SVIL: variants seen among roughly 807,000 people sequenced by gnomAD.
The protein encoded by SVIL is supervillin.
In SVIL, 101 loss-of-function variants were observed where a neutral mutation model predicts 240.4. That is an observed-to-expected ratio of 0.42 (90% CI 0.36 to 0.50). The LOEUF is 0.50. Ranked by LOEUF, SVIL falls within the 20% of genes least tolerant of loss-of-function variation. SVIL has a pLI of 0.01. For missense variants in SVIL, 2,512 were observed against 2,818.7 expected, an observed-to-expected ratio of 0.89 and a Z score of 2.46; for synonymous variants, 999 against 1,100.0, an observed-to-expected ratio of 0.91 and a Z score of 1.82.
At chr10:29,576,604 G>T (rs886987281) in intron 1 of SVIL, among the ~76,000 whole-genome samples, 3 of 152,154 alleles carry the variant, frequency 2.0e-5, no homozygotes, top group Non-Finnish European at 4.4e-5. Flanking sequence ...AAGTGCAGTG[G>T]TGTGACCATA....
At chr10:29,563,132 C>T (rs1340380363) in intron 3 of SVIL, 69 bp downstream of exon 3, 5 of 468,372 alleles carry the variant, frequency 1.1e-5, no homozygotes, top group Non-Finnish European at 1.4e-5. Context: ...GAGAGTTCTG[C>T]TCAAGGAAAT....
rs538983902 is a variant in SVIL at position 29,680,329 on chromosome 10, T to C, written c.-301+6224A>G. Among the ~76,000 whole-genome samples, 101 of 152,310 alleles carry C rather than the reference T, an allele frequency of 6.6e-4. 1 individual carries two copies. The highest frequency in any genetic ancestry group is 1.9e-3 in the African/African-American group (78 of 41,578). ...CAGCTAGCTTCTTGGAGGAGGCACC[T>C]GAATGGCATCTTTAGTGATCAGTCA... On this transcript the variant is annotated intron_variant, in intron 2 of 35. Transcript: ENST00000375400.
intron 1 of SVIL, among the ~76,000 whole-genome samples, chr10:29,577,567 C>T (rs1411818948): frequency 2.0e-5 from 3 of 152,134 alleles, no homozygotes; most frequent in African/African-American, 4.8e-5. Context: ...ACCACATTTT[C>T]TTTATCCACT....
intron 27 of SVIL, chr10:29,483,507 G>T (rs1260620829): frequency 6.6e-6 from 1 of 152,208 alleles, no homozygotes; most frequent in Non-Finnish European, 1.5e-5. Context: ...TTTTTAAAAG[G>T]CCCCTCAGGT....
rs1048214693 is a variant in SVIL at position 29,515,077 on chromosome 10, TC to T, written c.3390-2217del. Reference sequence around the variant, plus strand: ...GTCCCCTTCCTCAATCTCTTCCTTCTCCCCCCTTCATTTCTGTTTTCCTCTT... The same window carrying T: ...GTCCCCTTCCTCAATCTCTTCCTTCTCCCCCTTCATTTCTGTTTTCCTCTT... On this transcript the variant is annotated intron_variant, in intron 16 of 37. Coordinates refer to ENST00000355867, the MANE Select transcript of SVIL (RefSeq NM_021738.3). Among the ~76,000 whole-genome samples, 5 of 152,206 alleles carry T rather than the reference TC, an allele frequency of 3.3e-5. No individual in the cohort carries two copies. In the East Asian group the frequency reaches 5.8e-4, roughly 18 times the overall value.
chr10:29,587,299 G>A (rs1043250266), intron 1 of SVIL, among the ~76,000 whole-genome samples: 1 of 152,156 alleles, frequency 6.6e-6, no homozygotes, highest in African/African-American at 2.4e-5. Flanking sequence ...CGGGTTCTCC[G>A]GCTTCGTACA....
chr10:29,568,223 T>A (rs970239994), intron 2 of SVIL, among the ~76,000 whole-genome samples: 2 of 148,082 alleles, frequency 1.4e-5, no homozygotes, highest in East Asian at 2.0e-4. Flanking sequence ...ATATTGTGTG[T>A]AAAAATTAAA....
At chr10:29,607,826 G>C (rs376527624) in intron 1 of SVIL, among the ~76,000 whole-genome samples, 1 of 152,142 alleles carries the variant, frequency 6.6e-6, no homozygotes, top group Non-Finnish European at 1.5e-5. Flanking sequence ...ACCCCTTCAC[G>C]GGCAAGGCTC....
chr10:29,661,629 A>T (rs1959164958), intron 2 of SVIL, among the ~76,000 whole-genome samples: 1 of 152,108 alleles, frequency 6.6e-6, no homozygotes, highest in African/African-American at 2.4e-5. Context: ...CCTGTGCAAA[A>T]ACTCTGACTA....
chr10:29,586,112 T>C (rs974273944), intron 1 of SVIL, among the ~76,000 whole-genome samples: 2 of 152,160 alleles, frequency 1.3e-5, no homozygotes, highest in Admixed American at 1.3e-4. Flanking sequence ...GCCTTACAGG[T>C]TCCGTTGGGA....
At chr10:29,482,021 CTTTTTT>C (rs35856299) in intron 27 of SVIL, among the ~76,000 whole-genome samples, 19 of 113,408 alleles carry the variant, frequency 1.7e-4, no homozygotes, top group Non-Finnish European at 3.5e-4. Flanking sequence ...CTTTTCTTTT[CTTTTTT>C]TTTTTTTTTT....
At chr10:29,512,644 A>C in intron 17 of SVIL, 91 bp downstream of exon 17, 2 of 1,604,510 alleles carry the variant, frequency 1.2e-6, no homozygotes, top group Non-Finnish European at 1.7e-6. Context: ...TGCTTCACAG[A>C]GTAGGAATTA....
At chr10:29,652,158 T>G (rs532394125) in intron 3 of SVIL, among the ~76,000 whole-genome samples, 2 of 152,338 alleles carry the variant, frequency 1.3e-5, no homozygotes, top group African/African-American at 4.8e-5. Context: ...TCTAGTCACT[T>G]TCATCATTCC....
intron 1 of SVIL, among the ~76,000 whole-genome samples, chr10:29,717,189 C>T (rs1026183229): frequency 5.3e-5 from 7 of 133,240 alleles, no homozygotes; most frequent in East Asian, 2.2e-4. Flanking sequence ...GCCGAGATCA[C>T]GCCACTGCAC....
chr10:29,678,064 C>T (rs759586596), intron 2 of SVIL, among the ~76,000 whole-genome samples: 32 of 152,102 alleles, frequency 2.1e-4, no homozygotes, highest in Non-Finnish European at 3.5e-4. Context: ...GGCTCTAGAA[C>T]AGCAATCCCC....
At chr10:29,589,392 C>T (rs1374573069) in intron 1 of SVIL, among the ~76,000 whole-genome samples, 8 of 152,192 alleles carry the variant, frequency 5.3e-5, no homozygotes, top group Admixed American at 5.2e-4. Context: ...CGGCTCTGGG[C>T]CCCCTGTAAA....
rs552657528 is a variant in SVIL at position 29,518,725 on chromosome 10, G to A, written c.3389+3685C>T. Among the ~76,000 whole-genome samples, 646 of 152,064 alleles carry A rather than the reference G, an allele frequency of 4.2e-3. 3 individuals are homozygous for A. The highest frequency in any genetic ancestry group is 0.015 in the African/African-American group (628 of 41,492). ...GCAAAAATTAGCTGGTTATGGTGGT[G>A]GGCTCCTGTGATCCCAGCTACTCAG... On this transcript the variant is annotated intron_variant, in intron 16 of 37. Transcript: ENST00000355867.
upstream of SVIL, among the ~76,000 whole-genome samples, chr10:29,639,469 CTTTT>C (rs138064127): frequency 2.4e-5 from 3 of 125,446 alleles, no homozygotes; most frequent in Admixed American, 8.1e-5. Flanking sequence ...GCGCCTGGCC[CTTTT>C]TTTTTTTTTT....
intron 1 of SVIL, among the ~76,000 whole-genome samples, chr10:29,589,272 G>C (rs1464372771): frequency 1.3e-5 from 2 of 152,128 alleles, no homozygotes; most frequent in Non-Finnish European, 2.9e-5. Context: ...GCACGGCCTC[G>C]ACACTGAAGC....
Sources: allele counts gnomAD v4.1 joint callset (sites outside exome capture counted in the v4.1 genomes callset), GRCh38; gene constraint gnomAD v4.1.1; transcripts MANE v1.5; gene names NCBI Gene and HGNC (gene_info 2026-07-23, HGNC 2026-07-21).